Variants in EXOC4 observed in about 807,000 individuals in gnomAD.
EXOC4 encodes exocyst complex component 4.
Under a neutral mutation model 107.2 loss-of-function variants are expected in EXOC4, and 71 were observed. The observed-to-expected ratio is 0.66, with a 90% CI of 0.55 to 0.81. EXOC4 has a LOEUF of 0.81. Ranked by LOEUF, EXOC4 falls within the 30% of genes least tolerant of loss-of-function variation. The pLI, the probability that EXOC4 is intolerant of heterozygous loss-of-function variation, is 0.00. For missense variants in EXOC4, 1,108 were observed against 1,189.6 expected, an observed-to-expected ratio of 0.93 and a Z score of 1.01; for synonymous variants, 456 against 441.2, an observed-to-expected ratio of 1.03 and a Z score of -0.42.
At chr7:133,980,272 C>T (rs1390465212) in intron 14 of EXOC4, among the ~76,000 whole-genome samples, 1 of 152,172 alleles carries the variant, frequency 6.6e-6, no homozygotes, top group Non-Finnish European at 1.5e-5. Flanking sequence ...AGATTTCTTG[C>T]AAGGTTTTTC....
chr7:133,937,792 T>G (rs953279684), intron 13 of EXOC4, 99 bp from the exon 14 acceptor site: 1 of 1,115,166 alleles, frequency 9.0e-7, no homozygotes, highest in Non-Finnish European at 1.3e-6. Flanking sequence ...AAAATAGTGC[T>G]CATGTCAGTC....
chr7:133,356,236 G>T, intron 5 of EXOC4, 94 bp from the exon 6 acceptor site: 2 of 1,230,348 alleles, frequency 1.6e-6, no homozygotes, highest in Non-Finnish European at 2.3e-6. Context: ...CTTTAAGAGA[G>T]TAATCAAGGC....
intron 9 of EXOC4, among the ~76,000 whole-genome samples, chr7:133,493,697 C>T (rs1230780006): frequency 1.3e-5 from 2 of 152,048 alleles, no homozygotes; most frequent in Non-Finnish European, 1.5e-5. Context: ...AGAAGTCTTT[C>T]TAGACTGTTG....
intron 13 of EXOC4, among the ~76,000 whole-genome samples, chr7:133,923,056 A>G (rs1319261141): frequency 6.6e-6 from 1 of 151,524 alleles, no homozygotes; most frequent in Non-Finnish European, 1.5e-5. Context: ...TTTCTGGGTA[A>G]TACAGTATGC....
At chr7:133,328,842 C>T (rs1015581797) in intron 5 of EXOC4, among the ~76,000 whole-genome samples, 1 of 152,084 alleles carries the variant, frequency 6.6e-6, no homozygotes, top group Non-Finnish European at 1.5e-5. Flanking sequence ...TCTCGGGCTG[C>T]CCATAACATT....
intron 10 of EXOC4, among the ~76,000 whole-genome samples, chr7:133,746,148 G>A (rs10954431): frequency 6.6e-6 from 1 of 151,806 alleles, no homozygotes; most frequent in South Asian, 2.1e-4. Flanking sequence ...TTTAGAAGTG[G>A]CCATTCCAAC....
intron 17 of EXOC4, among the ~76,000 whole-genome samples, chr7:134,024,065 A>C (rs1795082557): frequency 6.6e-6 from 1 of 152,192 alleles, no homozygotes; most frequent in Non-Finnish European, 1.5e-5. Flanking sequence ...GAATGAGTCC[A>C]CCAAGTACAA....
At chr7:133,615,847 A>G (rs1802181338) in intron 9 of EXOC4, among the ~76,000 whole-genome samples, 1 of 152,224 alleles carries the variant, frequency 6.6e-6, no homozygotes, top group Non-Finnish European at 1.5e-5. Context: ...ACAACATTTA[A>G]AAAGCAGAAT....
intron 12 of EXOC4, among the ~76,000 whole-genome samples, chr7:133,899,213 G>A (rs114476869): frequency 1.0e-3 from 154 of 152,054 alleles, no homozygotes; most frequent in African/African-American, 2.9e-3. Flanking sequence ...GAGATGTTGC[G>A]TAACCTGACC....
chr7:133,285,759 T>A (rs535219522), intron 2 of EXOC4, among the ~76,000 whole-genome samples: 17 of 134,240 alleles, frequency 1.3e-4, no homozygotes, highest in African/African-American at 5.6e-4. Flanking sequence ...TTCTTCTTTT[T>A]TGTTTTTTTT....
intron 5 of EXOC4, among the ~76,000 whole-genome samples, chr7:133,344,225 G>T (rs929223571): frequency 1.3e-5 from 2 of 152,062 alleles, no homozygotes; most frequent in African/African-American, 2.4e-5. Flanking sequence ...CTGGCTCAAG[G>T]TAGCTTTTCC....
At chr7:133,492,515 T>C (rs1034034067) in intron 9 of EXOC4, among the ~76,000 whole-genome samples, 5 of 152,216 alleles carry the variant, frequency 3.3e-5, no homozygotes, top group Non-Finnish European at 5.9e-5. Context: ...ATCTTTTATC[T>C]TTCCCTCAAG....
At chr7:133,858,013 A>G (rs1019496229) in intron 11 of EXOC4, among the ~76,000 whole-genome samples, 3 of 151,976 alleles carry the variant, frequency 2.0e-5, no homozygotes, top group African/African-American at 7.2e-5. Flanking sequence ...CTATAGTGCT[A>G]CAGCTCTGGC....
At chr7:133,669,910 C>T (rs1793909112) in intron 10 of EXOC4, among the ~76,000 whole-genome samples, 1 of 152,088 alleles carries the variant, frequency 6.6e-6, no homozygotes, top group South Asian at 2.1e-4. Flanking sequence ...CAGTTATTTT[C>T]TTTACCTAAT....
intron 14 of EXOC4, among the ~76,000 whole-genome samples, chr7:133,959,581 G>A (rs575495695): frequency 6.6e-6 from 1 of 151,858 alleles, no homozygotes; most frequent in African/African-American, 2.4e-5. Flanking sequence ...TCCCAAAATG[G>A]AAAACAGGAA....
intron 9 of EXOC4, among the ~76,000 whole-genome samples, chr7:133,622,452 T>G (rs1018856218): frequency 1.3e-5 from 2 of 152,118 alleles, no homozygotes; most frequent in African/African-American, 4.8e-5. Context: ...AAGGTGAGGA[T>G]GGGATAAGTA....
intron 11 of EXOC4, among the ~76,000 whole-genome samples, chr7:133,851,745 G>A (rs962353891): frequency 6.6e-6 from 1 of 152,216 alleles, no homozygotes; most frequent in Non-Finnish European, 1.5e-5. Flanking sequence ...CGTATTTAAG[G>A]CATCATAGCT....
Position 133,253,398 on chromosome 7 carries a change from C to G in EXOC4, c.86+211C>G, listed in dbSNP as rs771977602. 24 of 1,319,830 alleles carry G rather than the reference C, an allele frequency of 1.8e-5. 1 individual carries two copies. The highest frequency in any genetic ancestry group is 2.2e-5 in the Non-Finnish European group (23 of 1,034,064). The allele number at this position is 1,319,830 out of a possible 1,614,324, so 81.8% of individuals were successfully genotyped here. A position where few individuals can be genotyped will look rare whatever the true frequency, so the allele number is the denominator to read the frequency against. Reference sequence around the variant, plus strand: ...GGGTTAGCTATAGAGAGAGGAGCCCCGCCTCAGTCTTTTCTTTAGGGGCAG... The same window carrying G: ...GGGTTAGCTATAGAGAGAGGAGCCCGGCCTCAGTCTTTTCTTTAGGGGCAG... On this transcript the variant is annotated intron_variant, in intron 1 of 17. Transcript: ENST00000253861.
At chr7:133,692,274 G>A (rs1794437787) in intron 10 of EXOC4, among the ~76,000 whole-genome samples, 1 of 152,108 alleles carries the variant, frequency 6.6e-6, no homozygotes, top group East Asian at 1.9e-4. Context: ...CTCCAAATGT[G>A]ATTGCAAAAT....
Sources: gnomAD v4.1 joint callset for allele counts (sites outside exome capture counted in the v4.1 genomes callset) on GRCh38, gnomAD v4.1.1 for gene constraint, MANE v1.5 for transcripts, NCBI Gene and HGNC (gene_info 2026-07-23, HGNC 2026-07-21) for gene names.